The following DYNC1I1 variants were observed in gnomAD, a reference collection of about 807,000 sequenced individuals.
DYNC1I1 encodes the protein dynein cytoplasmic 1 intermediate chain 1.
In DYNC1I1, 43 loss-of-function variants were observed where a neutral mutation model predicts 86.6. The observed-to-expected ratio is 0.50, with a 90% CI of 0.39 to 0.64. The LOEUF is 0.64. Among genes scored for constraint, DYNC1I1 ranks in the 30% least tolerant of loss-of-function variants. DYNC1I1 has a pLI of 0.00. For synonymous variants in DYNC1I1, 262 were observed against 283.7 expected (o/e 0.92, Z 0.77); for missense variants, 604 against 788.8 (o/e 0.77, Z 2.81).
intron 14 of DYNC1I1, among the ~76,000 whole-genome samples, chr7:96,041,611 T>C (rs867035815): frequency 6.6e-6 from 1 of 152,112 alleles, no homozygotes; most frequent in Non-Finnish European, 1.5e-5. Flanking sequence ...GTATGGTACC[T>C]CCACCCAAGA....
chr7:95,929,693 C>T (rs1302546461), intron 6 of DYNC1I1, among the ~76,000 whole-genome samples: 1 of 152,224 alleles, frequency 6.6e-6, no homozygotes, highest in Non-Finnish European at 1.5e-5. Context: ...CTCTCCTCCC[C>T]CAAGGGTAAC....
At chr7:96,012,662 TAGCTAGTGATG>T (rs1191304248) in intron 10 of DYNC1I1, among the ~76,000 whole-genome samples, 1 of 152,174 alleles carries the variant, frequency 6.6e-6, no homozygotes, top group Non-Finnish European at 1.5e-5. Flanking sequence ...ACCATGACTT[TAGCTAGTGATG>T]GGCTGTGGGA....
rs558154410 is a variant in DYNC1I1, at chr7:95,941,373, CT to C, written c.491-36134del. On this transcript the variant is annotated intron_variant, in intron 6 of 16. Coordinates refer to ENST00000447467, the MANE Select transcript of DYNC1I1 (RefSeq NM_001135556.2). ...TTAAGTCTGCAGAGGTTACTGCTGTCTTTTTGTTTGTCTGTGCCCTGCCCCC... is the reference window on the plus strand; with the variant it reads ...TTAAGTCTGCAGAGGTTACTGCTGTCTTTTGTTTGTCTGTGCCCTGCCCCC... Among the ~76,000 whole-genome samples the C allele has an allele frequency of 5.5e-3, 840 of 152,162 alleles. 9 individuals carry two copies. Among genetic ancestry groups the C allele is most frequent in the African/African-American group, 0.018 (747 of 41,500 alleles).
chr7:96,000,725 A>C (rs1184184502), intron 10 of DYNC1I1, among the ~76,000 whole-genome samples: 1 of 152,032 alleles, frequency 6.6e-6, no homozygotes, highest in Non-Finnish European at 1.5e-5. Flanking sequence ...TTCTTTATCT[A>C]CCCTCCTCTA....
At chr7:96,080,013 A>C (rs907552106) in intron 15 of DYNC1I1, among the ~76,000 whole-genome samples, 1 of 152,140 alleles carries the variant, frequency 6.6e-6, no homozygotes, top group African/African-American at 2.4e-5. Flanking sequence ...ATCTGTCCAT[A>C]AACTATGACC....
chr7:95,853,898 G>A (rs144273795), intron 5 of DYNC1I1, among the ~76,000 whole-genome samples: 368 of 152,098 alleles, frequency 2.4e-3, no homozygotes, highest in African/African-American at 7.3e-3. Flanking sequence ...ATCCTCATAT[G>A]ATGACCTTCT....
At chr7:95,877,014 A>G (rs1184253531) in intron 6 of DYNC1I1, among the ~76,000 whole-genome samples, 1 of 152,242 alleles carries the variant, frequency 6.6e-6, no homozygotes, top group African/African-American at 2.4e-5. Flanking sequence ...GGAAGATTCT[A>G]TGGTATTTGA....
At chr7:95,942,521 A>T (rs975113922) in intron 6 of DYNC1I1, among the ~76,000 whole-genome samples, 8 of 152,232 alleles carry the variant, frequency 5.3e-5, no homozygotes, top group Admixed American at 6.5e-5. Flanking sequence ...AACTCATTTT[A>T]TGAGGCCAGC....
intron 5 of DYNC1I1, among the ~76,000 whole-genome samples, chr7:95,837,048 T>G (rs1458765005): frequency 4.6e-5 from 7 of 151,658 alleles, no homozygotes; most frequent in African/African-American, 1.7e-4. Context: ...GGCGCTCTGC[T>G]TTTTAGAGTT....
At chr7:95,831,002 CAT>C (rs1224201749) in intron 5 of DYNC1I1, among the ~76,000 whole-genome samples, 1 of 152,016 alleles carries the variant, frequency 6.6e-6, no homozygotes, top group African/African-American at 2.4e-5. Context: ...GCTTATTTGC[CAT>C]ATGAGTATCC....
At chr7:95,847,357 A>G (rs1056690634) in intron 5 of DYNC1I1, among the ~76,000 whole-genome samples, 2 of 152,110 alleles carry the variant, frequency 1.3e-5, no homozygotes, top group African/African-American at 4.8e-5. Flanking sequence ...TTTATCCTAG[A>G]TTCGGTTTTG....
chr7:95,864,718 G>A (rs950804778), intron 5 of DYNC1I1, among the ~76,000 whole-genome samples: 1 of 152,086 alleles, frequency 6.6e-6, no homozygotes, highest in African/African-American at 2.4e-5. Flanking sequence ...TCTACTTTCT[G>A]TAGCCCTCTT....
intron 13 of DYNC1I1, 30 bp downstream of exon 13, chr7:96,035,782 T>C: frequency 3.1e-6 from 5 of 1,607,150 alleles, no homozygotes; most frequent in Non-Finnish European, 3.4e-6. Context: ...ACTGATGACA[T>C]GTTCTTCATT....
intron 6 of DYNC1I1, among the ~76,000 whole-genome samples, chr7:95,882,887 C>T (rs1260550578): frequency 6.6e-6 from 1 of 152,166 alleles, no homozygotes; most frequent in East Asian, 1.9e-4. Flanking sequence ...GTTGAAATCT[C>T]TCGTCACATT....
At chr7:96,065,918 C>A (rs932993028) in intron 14 of DYNC1I1, among the ~76,000 whole-genome samples, 3 of 152,174 alleles carry the variant, frequency 2.0e-5, no homozygotes, top group Admixed American at 6.5e-5. Context: ...CAGTTGACTG[C>A]ACTAGAAAAG....
intron 4 of DYNC1I1, among the ~76,000 whole-genome samples, chr7:95,816,043 C>T (rs1049980721): frequency 6.6e-6 from 1 of 150,766 alleles, no homozygotes; most frequent in Non-Finnish European, 1.5e-5. Context: ...TTAAAGAGAC[C>T]GTCTTGCTCC....
At chr7:95,924,864 A>G (rs1791701437) in intron 6 of DYNC1I1, among the ~76,000 whole-genome samples, 1 of 152,194 alleles carries the variant, frequency 6.6e-6, no homozygotes. Flanking sequence ...TATCCTAGTC[A>G]AAAGTGGGCT....
chr7:95,789,824 T>C (rs1468610779), intron 1 of DYNC1I1, among the ~76,000 whole-genome samples: 1 of 152,230 alleles, frequency 6.6e-6, no homozygotes, highest in Non-Finnish European at 1.5e-5. Flanking sequence ...TGTAGCTCAA[T>C]ATATTTCAAA....
chr7:95,947,204 G>A (rs1016352181), intron 6 of DYNC1I1, among the ~76,000 whole-genome samples: 7 of 152,168 alleles, frequency 4.6e-5, no homozygotes, highest in African/African-American at 1.7e-4. Context: ...AATACCTAGC[G>A]CAGTGAGTGT....
Sources: allele counts gnomAD v4.1 joint callset (sites outside exome capture counted in the v4.1 genomes callset), GRCh38; gene constraint gnomAD v4.1.1; transcripts MANE v1.5; gene names NCBI Gene and HGNC (gene_info 2026-07-23, HGNC 2026-07-21).